DPP6: variants seen among roughly 807,000 people sequenced by gnomAD.
The protein encoded by DPP6 is A-type potassium channel modulatory protein DPP6.
In DPP6, 69 loss-of-function variants were observed where a neutral mutation model predicts 122.6. The observed-to-expected ratio is 0.56, with a 90% CI of 0.46 to 0.69. The LOEUF (loss-of-function observed/expected upper bound fraction) is 0.69, where lower values mean the gene tolerates loss of function less well. DPP6 is among the 30% of genes least tolerant of loss of function. DPP6 has a pLI of 0.00. For synonymous variants in DPP6, 418 were observed against 433.1 expected (o/e 0.97, Z 0.43); for missense variants, 928 against 1,116.9 (o/e 0.83, Z 2.41).
chr7:154,362,004 A>G (rs1811767760), intron 1 of DPP6, among the ~76,000 whole-genome samples: 1 of 152,240 alleles, frequency 6.6e-6, no homozygotes, highest in Admixed American at 6.5e-5. Flanking sequence ...AACACTGACC[A>G]TCTTGCAGTC....
rs576192325 is a variant in DPP6 at position 153,907,107 on chromosome 7, T to G, written c.51+19373T>G. On this transcript the variant is annotated intron_variant, in intron 1 of 25. Coordinates refer to the DPP6 transcript ENST00000404039. The stretch of plus-strand genomic sequence containing the variant: ...GTTTCCCATAGAGGTTGTATTAATT[T>G]ACATTTCTACCAATAGTATATAACC... 2.6e-4 allele frequency among the ~76,000 whole-genome samples: 40 copies of G among 152,380 alleles called. No individual in the cohort carries two copies. In the South Asian group the frequency reaches 7.7e-3, roughly 29 times the overall value.
At chr7:154,641,774 T>C (rs1310576151) in intron 6 of DPP6, among the ~76,000 whole-genome samples, 3 of 152,190 alleles carry the variant, frequency 2.0e-5, no homozygotes, top group Non-Finnish European at 4.4e-5. Flanking sequence ...GAAAAATTGG[T>C]CCTATCACTT....
chr7:154,727,694 A>C (rs759184197), intron 7 of DPP6, 73 bp from the exon 8 acceptor site: 19 of 1,488,928 alleles, frequency 1.3e-5, no homozygotes, highest in Non-Finnish European at 1.4e-5. Context: ...TGATGATTTC[A>C]GATTTTTTAA....
At chr7:153,804,259 C>T in the DPP6 span, among the ~76,000 whole-genome samples, 1 of 151,864 alleles carries the variant, frequency 6.6e-6, no homozygotes, top group Non-Finnish European at 1.5e-5. Context: ...ACCATGTTGG[C>T]CAGACTGGTC....
chr7:154,183,974 G>A (rs962929220), intron 1 of DPP6, among the ~76,000 whole-genome samples: 11 of 152,190 alleles, frequency 7.2e-5, no homozygotes, highest in Non-Finnish European at 1.2e-4. Context: ...TGAAATACCT[G>A]TCCATTCCCT....
rs190673739 is a variant in DPP6 at position 154,343,013 on chromosome 7, C to T, written c.244-103201C>T. 7.2e-5 allele frequency among the ~76,000 whole-genome samples: 11 copies of T among 152,330 alleles called. No individual in the cohort carries two copies. The East Asian group carries it at 1.9e-3, about 27-fold the overall frequency. ...CACTTGAAGGCATTTCAAACCATCTCGCCGCTAACCAAGGTACAGCAAGAT... is the reference window on the plus strand; with the variant it reads ...CACTTGAAGGCATTTCAAACCATCTTGCCGCTAACCAAGGTACAGCAAGAT... On this transcript the variant is annotated intron_variant, in intron 1 of 25. Transcript: ENST00000377770.
rs1472735930 is a variant in DPP6, at chr7:153,936,884, C to T, written c.51+49150C>T. On this transcript the variant is annotated intron_variant, in intron 1 of 25. Coordinates refer to the DPP6 transcript ENST00000404039. ...TGCCTCCAGAGCCAGGGATGGTACGCTTCTGTCGTTTATGCCAACAGTGTT... is the reference window on the plus strand; with the variant it reads ...TGCCTCCAGAGCCAGGGATGGTACGTTTCTGTCGTTTATGCCAACAGTGTT... Among the ~76,000 whole-genome samples, 21 of 152,288 alleles carry T rather than the reference C, an allele frequency of 1.4e-4. No homozygotes were observed. The East Asian group carries it at 3.3e-3, about 24-fold the overall frequency.
the DPP6 span, among the ~76,000 whole-genome samples, chr7:153,764,891 A>G: frequency 6.6e-6 from 1 of 152,176 alleles, no homozygotes; most frequent in African/African-American, 2.4e-5. Context: ...AGATTTTTCC[A>G]GGTGGGGTCT....
At chr7:154,670,021 G>A (rs1484134774) in intron 7 of DPP6, among the ~76,000 whole-genome samples, 3 of 151,990 alleles carry the variant, frequency 2.0e-5, no homozygotes, top group East Asian at 1.9e-4. Context: ...CACCACACCC[G>A]ACTAATTTTT....
intron 1 of DPP6, among the ~76,000 whole-genome samples, chr7:154,193,706 C>A (rs1252594791): frequency 6.6e-6 from 1 of 152,020 alleles, no homozygotes; most frequent in African/African-American, 2.4e-5. Context: ...TGTTTGGAAG[C>A]CTGGGTGACA....
At chr7:154,169,284 A>T (rs1477273367) in intron 1 of DPP6, among the ~76,000 whole-genome samples, 1 of 152,104 alleles carries the variant, frequency 6.6e-6, no homozygotes, top group African/African-American at 2.4e-5. Context: ...AAGCTGGAGG[A>T]TACAGTCCTA....
chr7:154,208,382 A>C (rs1269345677), intron 1 of DPP6, among the ~76,000 whole-genome samples: 1 of 152,186 alleles, frequency 6.6e-6, no homozygotes, highest in African/African-American at 2.4e-5. Context: ...ATACATTTCC[A>C]CCAGTTATTT....
At chr7:154,053,633 C>A (rs1215497391) in intron 1 of DPP6, among the ~76,000 whole-genome samples, 1 of 151,708 alleles carries the variant, frequency 6.6e-6, no homozygotes, top group African/African-American at 2.4e-5. Context: ...ATTATCCTTT[C>A]CGGAAAAAAA....
chr7:154,028,014 G>C (rs575314242), intron 1 of DPP6, among the ~76,000 whole-genome samples: 1 of 151,426 alleles, frequency 6.6e-6, no homozygotes, highest in African/African-American at 2.4e-5. Flanking sequence ...AAAGAGGACA[G>C]AGCCATGCAG....
intron 1 of DPP6, among the ~76,000 whole-genome samples, chr7:154,074,074 TAGAG>T (rs1303506148): frequency 1.4e-4 from 22 of 151,896 alleles, no homozygotes; most frequent in Non-Finnish European, 2.2e-4. Flanking sequence ...TATATACATA[TAGAG>T]AGAGATATAT....
chr7:153,796,899 C>T, the DPP6 span, among the ~76,000 whole-genome samples: 2 of 152,168 alleles, frequency 1.3e-5, no homozygotes, highest in East Asian at 1.9e-4. Context: ...GCAGAGAGAA[C>T]GTGGCAGAGT....
At chr7:154,412,771 C>T (rs983000648) in intron 1 of DPP6, among the ~76,000 whole-genome samples, 2 of 152,164 alleles carry the variant, frequency 1.3e-5, no homozygotes, top group East Asian at 1.9e-4. Context: ...ACTCGACGAC[C>T]TCACCTGACT....
chr7:154,543,189 A>T (rs186371882), intron 4 of DPP6, among the ~76,000 whole-genome samples: 3 of 152,356 alleles, frequency 2.0e-5, no homozygotes, highest in African/African-American at 7.2e-5. Flanking sequence ...AATGATAAAA[A>T]GCAATCTGAG....
At chr7:154,840,265 A>C (rs1801413692) in intron 16 of DPP6, among the ~76,000 whole-genome samples, 1 of 152,212 alleles carries the variant, frequency 6.6e-6, no homozygotes, top group East Asian at 1.9e-4. Context: ...CACACCCAGC[A>C]GGTGGCCATG....
Sources: gnomAD v4.1 joint callset for allele counts (sites outside exome capture counted in the v4.1 genomes callset) on GRCh38, gnomAD v4.1.1 for gene constraint, MANE v1.5 for transcripts, NCBI Gene and HGNC (gene_info 2026-07-23, HGNC 2026-07-21) for gene names.